The following ELMO1 variants were observed in gnomAD, a reference collection of about 807,000 sequenced individuals.
The protein encoded by ELMO1 is engulfment and cell motility 1, also known as engulfment and cell motility protein 1.
In ELMO1, 26 loss-of-function variants were observed where a neutral mutation model predicts 98.9. The observed-to-expected ratio is 0.26, with a 90% confidence interval of 0.19 to 0.36. The LOEUF (loss-of-function observed/expected upper bound fraction) is 0.36. Ranked by LOEUF, ELMO1 falls within the 10% of genes least tolerant of loss-of-function variation. The probability of loss-of-function intolerance (pLI) is 1.00; values close to 1 mark genes in which losing one functional copy is unlikely to be tolerated. For synonymous variants in ELMO1, 346 were observed against 346.0 expected (o/e 1.00, Z 0.00); for missense variants, 627 against 935.2 (o/e 0.67, Z 4.30).
At chr7:37,211,541 G>C (rs775624967) in intron 12 of ELMO1, 24 bp from the exon 13 acceptor site, 15 of 1,610,290 alleles carry the variant, frequency 9.3e-6, no homozygotes, top group African/African-American at 1.3e-5. Flanking sequence ...GGAGTAAAAA[G>C]AAAAGGGAGG....
chr7:37,208,262 A>G (rs1379970650), intron 13 of ELMO1, among the ~76,000 whole-genome samples: 1 of 152,228 alleles, frequency 6.6e-6, no homozygotes, highest in Non-Finnish European at 1.5e-5. Context: ...GATGCTGCCC[A>G]GTTTCACAGC....
At chr7:36,979,361 C>A (rs1030457291) in intron 16 of ELMO1, among the ~76,000 whole-genome samples, 7 of 152,190 alleles carry the variant, frequency 4.6e-5, no homozygotes, top group Admixed American at 1.3e-4. Flanking sequence ...TACCTTCTTC[C>A]CTTTCTACAG....
chr7:37,199,491 T>C (rs1344542476), intron 13 of ELMO1, among the ~76,000 whole-genome samples: 1 of 152,152 alleles, frequency 6.6e-6, no homozygotes, highest in African/African-American at 2.4e-5. Flanking sequence ...AGTACAATTA[T>C]TCATGCATCC....
chr7:37,090,043 G>C (rs1042901527), intron 15 of ELMO1, among the ~76,000 whole-genome samples: 12 of 152,144 alleles, frequency 7.9e-5, no homozygotes, highest in East Asian at 1.9e-4. Flanking sequence ...ACACCTAAAA[G>C]AGATCCACCG....
At chr7:37,166,699 G>C (rs1245372303) in intron 13 of ELMO1, among the ~76,000 whole-genome samples, 2 of 152,214 alleles carry the variant, frequency 1.3e-5, no homozygotes, top group African/African-American at 2.4e-5. Context: ...TGTGGTCTGA[G>C]AGATAGTTTC....
At chr7:37,093,477 A>C (rs1010857112) in intron 15 of ELMO1, among the ~76,000 whole-genome samples, 3 of 152,240 alleles carry the variant, frequency 2.0e-5, no homozygotes, top group Non-Finnish European at 4.4e-5. Flanking sequence ...TATTAACACA[A>C]ATCTGAGAAG....
rs2131496270 is a variant in ELMO1 at position 37,410,805 on chromosome 7, A to C, written c.-74+37870T>G. 2.0e-5 allele frequency among the ~76,000 whole-genome samples: 3 copies of C among 152,344 alleles called. 1 individual carries two copies. The South Asian group carries it at 6.2e-4, about 32-fold the overall frequency. On this transcript the variant is annotated intron_variant, in intron 1 of 21. Transcript: ENST00000310758. ...CAGTGGGTTTCCTGTTGGAGAAAAA[A>C]ACTGCAAAGGGAAGAAGACATGAGT...
chr7:37,448,658 C>G lies in ELMO1; in HGVS notation c.-74+17G>C, dbSNP rs1805767339. Reference sequence around the variant, plus strand: ...AGCGAGTCGGGGCGCGGCGCCAGCCCAGGAAACTTTACGAACCTGCTTGGG... The same window carrying G: ...AGCGAGTCGGGGCGCGGCGCCAGCCGAGGAAACTTTACGAACCTGCTTGGG... On this transcript the variant is annotated intron_variant, in intron 1 of 21. Transcript: ENST00000310758. 6.6e-6 allele frequency: 1 copy of G among 152,370 alleles called. No individual in the cohort carries two copies. 9.4% of individuals were successfully genotyped at this position (152,370 alleles called of 1,614,324 possible).
chr7:37,073,424 G>C (rs1409927375), intron 15 of ELMO1, among the ~76,000 whole-genome samples: 1 of 152,156 alleles, frequency 6.6e-6, no homozygotes, highest in Non-Finnish European at 1.5e-5. Context: ...GAGGCTAAAA[G>C]GGAACACATC....
At chr7:36,998,286 C>A (rs1792367648) in intron 16 of ELMO1, among the ~76,000 whole-genome samples, 1 of 152,158 alleles carries the variant, frequency 6.6e-6, no homozygotes, top group South Asian at 2.1e-4. Flanking sequence ...CCTCTCAATT[C>A]CCACTTGCCT....
At chr7:36,916,172 C>T (rs1018292099) in intron 16 of ELMO1, among the ~76,000 whole-genome samples, 2 of 152,164 alleles carry the variant, frequency 1.3e-5, no homozygotes, top group Non-Finnish European at 2.9e-5. Flanking sequence ...ATTTCATCAT[C>T]CCTACCTCCA....
intron 16 of ELMO1, among the ~76,000 whole-genome samples, chr7:36,908,337 GA>G (rs1318455366): frequency 6.6e-6 from 1 of 151,950 alleles, no homozygotes; most frequent in Non-Finnish European, 1.5e-5. Flanking sequence ...TTTGTAACTA[GA>G]AAAAAAATCT....
intron 14 of ELMO1, among the ~76,000 whole-genome samples, chr7:37,123,103 A>G (rs1282874389): frequency 1.3e-5 from 2 of 151,912 alleles, no homozygotes; most frequent in Non-Finnish European, 2.9e-5. Context: ...CAAAGACACA[A>G]CATACCAGAA....
intron 16 of ELMO1, 116 bp from the exon 17 acceptor site, chr7:36,895,133 A>G (rs1364064973): frequency 8.5e-7 from 1 of 1,171,974 alleles, no homozygotes; most frequent in African/African-American, 1.5e-5. Flanking sequence ...CATGCTCAGC[A>G]TTAACCTTGA....
chr7:37,163,344 T>TTGG (rs754078693), intron 13 of ELMO1, among the ~76,000 whole-genome samples: 124 of 2,448 alleles, frequency 0.051, no homozygotes, highest in Non-Finnish European at 0.045. Flanking sequence ...GTTCTTTTTT[T>TTGG]TTTTTTTTAT....
At chr7:36,989,697 T>G (rs1791744811) in intron 16 of ELMO1, among the ~76,000 whole-genome samples, 2 of 152,004 alleles carry the variant, frequency 1.3e-5, no homozygotes, top group South Asian at 4.2e-4. Context: ...AAAGTTAAAG[T>G]GGAGGGTGGG....
At chr7:36,949,802 C>T (rs957970526) in intron 16 of ELMO1, among the ~76,000 whole-genome samples, 15 of 152,214 alleles carry the variant, frequency 9.9e-5, no homozygotes, top group Admixed American at 7.8e-4. Context: ...CCCTCCTCCA[C>T]CACCCCACCC....
intron 13 of ELMO1, among the ~76,000 whole-genome samples, chr7:37,189,791 T>A (rs1791458862): frequency 6.6e-6 from 1 of 152,204 alleles, no homozygotes. Flanking sequence ...ATCAAGTACC[T>A]ATTCACCACA....
chr7:36,953,016 A>G (rs59687552), intron 16 of ELMO1, among the ~76,000 whole-genome samples: 16,903 of 126,380 alleles, frequency 0.13, 1,661 homozygotes, highest in East Asian at 0.34. Context: ...CTGTCGCCCC[A>G]GCTAAAGTAC....
Sources: allele counts gnomAD v4.1 joint callset (sites outside exome capture counted in the v4.1 genomes callset), GRCh38; gene constraint gnomAD v4.1.1; transcripts MANE v1.5; gene names NCBI Gene and HGNC (gene_info 2026-07-23, HGNC 2026-07-21).